GRB10: variants seen among roughly 807,000 people sequenced by gnomAD.
GRB10 encodes the protein growth factor receptor bound protein 10.
Under a neutral mutation model 80.9 loss-of-function variants are expected in GRB10, and 20 were observed. The ratio of observed to expected loss-of-function variants is 0.25; its 90% CI spans 0.17 to 0.36. The LOEUF (loss-of-function observed/expected upper bound fraction) is 0.36. Among genes scored for constraint, GRB10 ranks in the 10% least tolerant of loss-of-function variants. The pLI, the probability that GRB10 is intolerant of heterozygous loss-of-function variation, is 1.00. For missense variants in GRB10, 548 were observed against 747.7 expected (o/e 0.73, Z 3.12); for synonymous variants, 291 against 291.5 (o/e 1.00, Z 0.02).
At chr7:50,758,800 T>C (rs1339580982) in intron 2 of GRB10, among the ~76,000 whole-genome samples, 1 of 152,128 alleles carries the variant, frequency 6.6e-6, no homozygotes, top group African/African-American at 2.4e-5. Flanking sequence ...GTAAATAGAA[T>C]GGAATTAAAA....
At chr7:50,720,775 C>T (rs1375080026) in intron 4 of GRB10, among the ~76,000 whole-genome samples, 2 of 150,058 alleles carry the variant, frequency 1.3e-5, no homozygotes, top group Non-Finnish European at 3.0e-5. Flanking sequence ...TGCCAAAGTA[C>T]ACCATTAAAA....
chr7:50,709,339 C>A (rs537330049), intron 4 of GRB10, among the ~76,000 whole-genome samples: 3 of 152,344 alleles, frequency 2.0e-5, no homozygotes, highest in Middle Eastern at 3.4e-3. Flanking sequence ...TCTGCCTGAG[C>A]TGCATCGACC....
At chr7:50,658,685 G>A (rs778229684) in intron 7 of GRB10, among the ~76,000 whole-genome samples, 7 of 152,166 alleles carry the variant, frequency 4.6e-5, no homozygotes, top group African/African-American at 7.2e-5. Context: ...TAAAATATCT[G>A]TTTTAGGCCC....
At chr7:50,696,016 T>C (rs955425085) in intron 5 of GRB10, among the ~76,000 whole-genome samples, 6 of 152,174 alleles carry the variant, frequency 3.9e-5, no homozygotes, top group African/African-American at 1.4e-4. Flanking sequence ...AATCTGAGCA[T>C]CTTCTCAAAT....
At chr7:50,662,737 T>A (rs1347548648) in intron 7 of GRB10, among the ~76,000 whole-genome samples, 2 of 152,218 alleles carry the variant, frequency 1.3e-5, no homozygotes, top group East Asian at 1.9e-4. Flanking sequence ...GAAAATTAAA[T>A]GTGTAGTAAC....
intron 5 of GRB10, among the ~76,000 whole-genome samples, chr7:50,681,093 A>G (rs2061491340): frequency 1.3e-5 from 2 of 152,234 alleles, no homozygotes; most frequent in Admixed American, 1.3e-4. Context: ...TAAATAAAGC[A>G]CTACCCCGCC....
intron 13 of GRB10, among the ~76,000 whole-genome samples, chr7:50,609,115 C>A (rs1039393773): frequency 6.6e-6 from 1 of 151,980 alleles, no homozygotes; most frequent in Non-Finnish European, 1.5e-5. Context: ...AGAGGTGGGA[C>A]AACCTGGAAA....
intron 13 of GRB10, among the ~76,000 whole-genome samples, chr7:50,607,957 A>G (rs188123244): frequency 1.3e-5 from 2 of 152,038 alleles, no homozygotes; most frequent in Non-Finnish European, 2.9e-5. Flanking sequence ...TTCTGGCTCT[A>G]GGTCTCATGG....
At chr7:50,709,143 G>C (rs1337275707) in intron 4 of GRB10, among the ~76,000 whole-genome samples, 1 of 152,216 alleles carries the variant, frequency 6.6e-6, no homozygotes, top group Non-Finnish European at 1.5e-5. Flanking sequence ...GCCAAAGTCA[G>C]AACAAGCCCA....
At chr7:50,772,833 A>G (rs2077116548) in intron 2 of GRB10, among the ~76,000 whole-genome samples, 1 of 152,258 alleles carries the variant, frequency 6.6e-6, no homozygotes, top group Admixed American at 6.5e-5. Flanking sequence ...GCAGAAAAGG[A>G]CAAAACAGTT....
At chr7:50,619,469 A>C (rs1323823850) in intron 8 of GRB10, among the ~76,000 whole-genome samples, 184 bp from the exon 9 acceptor site, 1 of 152,268 alleles carries the variant, frequency 6.6e-6, no homozygotes, top group Non-Finnish European at 1.5e-5. Context: ...AAGAGGTCTT[A>C]AGATATACAG....
intron 7 of GRB10, among the ~76,000 whole-genome samples, chr7:50,656,225 C>G (rs1316543240): frequency 6.6e-6 from 1 of 152,188 alleles, no homozygotes; most frequent in Non-Finnish European, 1.5e-5. Context: ...GAGATGTGCA[C>G]ACATGTGAGG....
intron 8 of GRB10, among the ~76,000 whole-genome samples, chr7:50,624,598 G>C (rs2052532308): frequency 6.6e-6 from 1 of 152,224 alleles, no homozygotes; most frequent in African/African-American, 2.4e-5. Context: ...GTGTCAACGG[G>C]AATGAGTCCT....
intron 2 of GRB10, among the ~76,000 whole-genome samples, chr7:50,775,227 G>A (rs1428557209): frequency 1.4e-5 from 2 of 144,580 alleles, no homozygotes; most frequent in East Asian, 4.2e-4. Flanking sequence ...ACAAAAGGGA[G>A]AAATAGGAAA....
At chr7:50,605,050 T>A in intron 15 of GRB10, 3 of 560,956 alleles carry the variant, frequency 5.3e-6, no homozygotes, top group South Asian at 4.3e-5. Context: ...GAGAACTCTG[T>A]TCCTCTCCTG....
intron 4 of GRB10, among the ~76,000 whole-genome samples, chr7:50,708,953 C>T (rs1343599980): frequency 2.6e-5 from 4 of 152,130 alleles, no homozygotes; most frequent in African/African-American, 4.8e-5. Flanking sequence ...GGATTACAGG[C>T]GTGAGCCACA....
intron 5 of GRB10, among the ~76,000 whole-genome samples, chr7:50,703,502 C>T (rs1301976619): frequency 6.6e-6 from 1 of 152,280 alleles, no homozygotes; most frequent in Non-Finnish European, 1.5e-5. Flanking sequence ...CATAAAAATG[C>T]CAAAATCAAG....
intron 17 of GRB10, among the ~76,000 whole-genome samples, chr7:50,603,462 A>G (rs2047968585): frequency 6.6e-6 from 1 of 152,200 alleles, no homozygotes; most frequent in African/African-American, 2.4e-5. Flanking sequence ...ACACATGCCC[A>G]GTCACTAATT....
In GRB10 at chr7:50,782,495, G is replaced by C. The variant is rs1330344431; in HGVS notation, c.-398C>G. The C allele has an allele frequency of 6.7e-6, 1 of 149,958 alleles. No homozygotes were observed. Among genetic ancestry groups the C allele is most frequent in the African/African-American group, 2.4e-5 (1 of 41,236 alleles). The allele number at this position is 149,958 out of a possible 1,614,324, so 9.3% of individuals were successfully genotyped here. A position where few individuals can be genotyped will look rare whatever the true frequency, so the allele number is the denominator to read the frequency against. The stretch of plus-strand genomic sequence containing the variant: ...CGCCGCCGGCCCGGGTAGGGCTTCG[G>C]GGCCCGGCCCCCGCAGTGCCCGGCG... On this transcript the variant is annotated 5_prime_UTR_variant, in exon 1 of 19. Coordinates refer to ENST00000401949, the MANE Select transcript of GRB10 (RefSeq NM_001350814.2). The surrounding 1 kb of genome is among the most constrained non-coding windows in gnomAD (Gnocchi z 6.6).
Sources: gnomAD v4.1 joint callset for allele counts (sites outside exome capture counted in the v4.1 genomes callset) on GRCh38, gnomAD v4.1.1 for gene constraint, Gnocchi (gnomAD v3.1) non-coding constraint, MANE v1.5 for transcripts, NCBI Gene and HGNC (gene_info 2026-07-23, HGNC 2026-07-21) for gene names.